The following DMD variants were observed in gnomAD, a reference collection of about 807,000 sequenced individuals.
The protein encoded by DMD is mutant dystrophin.
A neutral mutation model predicts 330.1 loss-of-function variants in DMD; 63 were observed. That is an observed-to-expected ratio of 0.19 (90% CI 0.16 to 0.24). DMD has a LOEUF of 0.24. Ranked by LOEUF, DMD falls within the 10% of genes least tolerant of loss-of-function variation. DMD has a pLI of 1.00. For missense variants in DMD, 3,344 were observed against 2,684.1 expected (o/e 1.25, Z -5.43); for synonymous variants, 1,223 against 959.8 (o/e 1.27, Z -5.07).
At chrX:31,209,817 G>A (rs1201771691) in intron 64 of DMD, 118 bp from the exon 65 acceptor site, 3 of 657,373 alleles carry the variant, frequency 4.6e-6, no homozygotes, top group East Asian at 3.5e-5. Context: ...AACACCAAAC[G>A]TGAACCACAC....
intron 2 of DMD, among the ~76,000 whole-genome samples, chrX:32,959,632 T>TA (rs1276816145): frequency 3.6e-5 from 4 of 111,265 alleles, no homozygotes; most frequent in African/African-American, 1.3e-4. Context: ...CCCAAATCCT[T>TA]ACTGGGACTC....
intron 1 of DMD, among the ~76,000 whole-genome samples, chrX:33,072,193 G>A (rs757083850): frequency 8.0e-5 from 9 of 112,220 alleles, no homozygotes; most frequent in East Asian, 2.8e-4. Context: ...CAAGGCAGGC[G>A]GATCACCTGA....
intron 63 of DMD, among the ~76,000 whole-genome samples, chrX:31,249,600 CAAATT>C (rs1407383230): frequency 9.0e-6 from 1 of 111,071 alleles, no homozygotes; most frequent in African/African-American, 3.3e-5. Flanking sequence ...ATTTGCATGT[CAAATT>C]AAAGTACGTG....
chrX:32,093,767 C>T (rs1004683269), intron 44 of DMD, among the ~76,000 whole-genome samples: 1 of 110,711 alleles, frequency 9.0e-6, no homozygotes, highest in African/African-American at 3.3e-5. Context: ...AAGACAATGG[C>T]CCACAGAATT....
intron 55 of DMD, among the ~76,000 whole-genome samples, chrX:31,564,558 AC>A (rs970652146): frequency 8.9e-6 from 1 of 112,112 alleles, no homozygotes; most frequent in African/African-American, 3.2e-5. Context: ...TTTATTTTAT[AC>A]CTTTTTGTAA....
At chrX:32,692,778 C>T (rs1471478290) in intron 9 of DMD, among the ~76,000 whole-genome samples, 2 of 111,707 alleles carry the variant, frequency 1.8e-5, no homozygotes, top group East Asian at 5.6e-4. Context: ...CATAAAAGTG[C>T]TAATAAAAAC....
intron 51 of DMD, among the ~76,000 whole-genome samples, chrX:31,772,199 G>T (rs1450771995): frequency 8.9e-6 from 1 of 112,235 alleles, no homozygotes; most frequent in East Asian, 2.8e-4. Flanking sequence ...GCAAGGCAAA[G>T]TGGGAAGCAT....
intron 2 of DMD, among the ~76,000 whole-genome samples, chrX:32,926,427 T>C (rs1214009097): frequency 8.9e-6 from 1 of 111,953 alleles, no homozygotes; most frequent in Non-Finnish European, 1.9e-5. Flanking sequence ...ATTATACTCT[T>C]GAAAATTGCT....
At chrX:31,585,974 C>G (rs2076585712) in intron 55 of DMD, among the ~76,000 whole-genome samples, 1 of 110,530 alleles carries the variant, frequency 9.0e-6, no homozygotes, top group Admixed American at 9.6e-5. Context: ...GGTTTGGTCT[C>G]TAGACCAATG....
rs1180714302 is a variant in DMD, at chrX:33,009,691, CATATGTGTGTATACGTATATGTGT to C, written c.93+10424_93+10447del. ...GTGTATACGTATATGTGTATATGCA[CATATGTGTGTATACGTATATGTGT>C]ATATGTGTGTATATGTGTATATACA... is the stretch of plus-strand genomic sequence containing the variant. On this transcript the variant is annotated intron_variant, in intron 2 of 78. Coordinates refer to ENST00000357033, the MANE Select transcript of DMD (RefSeq NM_004006.3). Among the ~76,000 whole-genome samples, 2 of 38,919 alleles carry C rather than the reference CATATGTGTGTATACGTATATGTGT, an allele frequency of 5.1e-5. 1 individual carries two copies. The highest frequency in any genetic ancestry group is 1.3e-4 in the Non-Finnish European group (2 of 15,581). The allele number at this position is 38,919 out of a possible 115,157, so 33.8% of individuals were successfully genotyped here.
chrX:31,161,668 T>C lies in DMD; in HGVS notation c.10553+7775A>G, dbSNP rs2038825421. Reference sequence around the variant, plus strand: ...CTAATTTCTCCATCCCCTTCTTCACTTGCCTAAGACATCCTTAGTTAAGAA... The same window carrying C: ...CTAATTTCTCCATCCCCTTCTTCACCTGCCTAAGACATCCTTAGTTAAGAA... On this transcript the variant is annotated intron_variant, in intron 74 of 78. Transcript: ENST00000357033. Among the ~76,000 whole-genome samples, 4 of 111,644 alleles carry C rather than the reference T, an allele frequency of 3.6e-5. No homozygotes were observed. The South Asian group carries it at 1.5e-3, about 42-fold the overall frequency.
At chrX:32,747,918 G>A (rs959000960) in intron 7 of DMD, among the ~76,000 whole-genome samples, 2 of 111,939 alleles carry the variant, frequency 1.8e-5, no homozygotes, top group African/African-American at 6.5e-5. Flanking sequence ...TCTATATGTA[G>A]GCTTTGAATA....
intron 1 of DMD, among the ~76,000 whole-genome samples, chrX:33,034,480 T>G (rs1267589378): frequency 8.9e-6 from 1 of 111,900 alleles, no homozygotes; most frequent in Non-Finnish European, 1.9e-5. Context: ...TGTAGCTTTG[T>G]CATGAGCTTT....
intron 44 of DMD, among the ~76,000 whole-genome samples, chrX:32,086,363 T>C (rs1027611290): frequency 4.5e-5 from 5 of 112,138 alleles, no homozygotes; most frequent in African/African-American, 1.3e-4. Flanking sequence ...ATAGTTTTCA[T>C]CTTTTTGCTA....
At chrX:32,905,132 C>T (rs778263743) in intron 2 of DMD, among the ~76,000 whole-genome samples, 4 of 111,353 alleles carry the variant, frequency 3.6e-5, no homozygotes, top group Non-Finnish European at 5.7e-5. Context: ...CATTATTTTG[C>T]GACAGAAATA....
intron 29 of DMD, among the ~76,000 whole-genome samples, chrX:32,419,323 T>C (rs1293993326): frequency 8.9e-6 from 1 of 112,035 alleles, no homozygotes; most frequent in Non-Finnish European, 1.9e-5. Context: ...CTTTCTTTGT[T>C]TTCAAATTAG....
At position 32,763,178 on chromosome X, in the gene DMD, T is replaced by C. The variant is rs147073135; in HGVS notation, c.649+46315A>G. On this transcript the variant is annotated intron_variant, in intron 7 of 78. Coordinates refer to ENST00000357033, the MANE Select transcript of DMD (RefSeq NM_004006.3). Reference sequence around the variant, plus strand: ...TGACATCTTTGTATTAATAGGACCATTTCTATAATGATCATGCTAATTAAT... The same window carrying C: ...TGACATCTTTGTATTAATAGGACCACTTCTATAATGATCATGCTAATTAAT... Among the ~76,000 whole-genome samples the C allele has an allele frequency of 5.9e-3, 665 of 111,897 alleles. 6 individuals are homozygous for C. The highest frequency in any genetic ancestry group is 0.02 in the African/African-American group (627 of 30,814).
At chrX:32,429,208 C>CT (rs1569562214) in intron 29 of DMD, among the ~76,000 whole-genome samples, 1 of 88,162 alleles carries the variant, frequency 1.1e-5, no homozygotes, top group African/African-American at 4.5e-5. Context: ...TCTTTTCTTT[C>CT]CTTTTTTTTT....
intron 1 of DMD, among the ~76,000 whole-genome samples, chrX:33,222,686 T>G (rs2052204938): frequency 8.9e-6 from 1 of 112,126 alleles, no homozygotes; most frequent in Admixed American, 9.5e-5. Context: ...AGTGAATTCA[T>G]CAAGGTAGCA....
Sources: gnomAD v4.1 joint callset for allele counts (sites outside exome capture counted in the v4.1 genomes callset) on GRCh38, gnomAD v4.1.1 for gene constraint, MANE v1.5 for transcripts, NCBI Gene and HGNC (gene_info 2026-07-23, HGNC 2026-07-21) for gene names.